DNER: variants seen among roughly 807,000 people sequenced by gnomAD.
DNER encodes delta and Notch-like epidermal growth factor-related receptor.
Under a neutral mutation model 78.2 loss-of-function variants are expected in DNER, and 33 were observed. The ratio of observed to expected loss-of-function variants is 0.42; its 90% confidence interval spans 0.32 to 0.56. The LOEUF is 0.56. Ranked by LOEUF, DNER falls within the 20% of genes least tolerant of loss-of-function variation. The pLI is 0.11. For synonymous variants in DNER, 417 were observed against 384.8 expected (o/e 1.08, Z -0.98); for missense variants, 918 against 975.3 (o/e 0.94, Z 0.78).
intron 8 of DNER, among the ~76,000 whole-genome samples, chr2:229,433,845 C>A (rs1559350632): frequency 6.6e-6 from 1 of 152,064 alleles, no homozygotes; most frequent in African/African-American, 2.4e-5. Flanking sequence ...TGTGAATTAG[C>A]TTTTTGCATT....
At chr2:229,622,638 T>G (rs1391758138) in intron 1 of DNER, among the ~76,000 whole-genome samples, 1 of 152,190 alleles carries the variant, frequency 6.6e-6, no homozygotes, top group Non-Finnish European at 1.5e-5. Context: ...TGGATTTTTT[T>G]GGAAACAGGG....
chr2:229,387,517 A>G (rs867124172), intron 11 of DNER, among the ~76,000 whole-genome samples: 4,848 of 83,352 alleles, frequency 0.058, 79 homozygotes, highest in Middle Eastern at 0.085. Flanking sequence ...GAGAGAAAGA[A>G]AGAAAGAAAG....
chr2:229,613,057 G>T (rs1698079653), intron 1 of DNER, among the ~76,000 whole-genome samples: 1 of 152,132 alleles, frequency 6.6e-6, no homozygotes, highest in Admixed American at 6.5e-5. Flanking sequence ...ATTGTAAAAT[G>T]TCCAACATGA....
At chr2:229,371,288 G>A (rs1692476233) in intron 11 of DNER, among the ~76,000 whole-genome samples, 1 of 152,216 alleles carries the variant, frequency 6.6e-6, no homozygotes, top group Non-Finnish European at 1.5e-5. Context: ...CAGTCCAGAT[G>A]CTATCCTCAT....
intron 1 of DNER, among the ~76,000 whole-genome samples, chr2:229,656,537 C>T (rs10197480): frequency 0.53 from 80,413 of 151,840 alleles, 21,488 homozygotes; most frequent in Non-Finnish European, 0.55. Context: ...GATTGGAGGA[C>T]GAGGAAGGGA....
intron 11 of DNER, among the ~76,000 whole-genome samples, chr2:229,367,836 C>G (rs200800881): frequency 6.6e-6 from 1 of 152,136 alleles, no homozygotes; most frequent in African/African-American, 2.4e-5. Context: ...ATGCTCTGAC[C>G]CAGATATTCC....
chr2:229,452,505 G>C (rs527846805), intron 7 of DNER, among the ~76,000 whole-genome samples: 4 of 152,090 alleles, frequency 2.6e-5, no homozygotes, highest in African/African-American at 7.2e-5. Flanking sequence ...CAAAAAAGAC[G>C]GCCGCCATAA....
intron 5 of DNER, among the ~76,000 whole-genome samples, chr2:229,522,107 T>A (rs757927735): frequency 6.6e-6 from 1 of 152,020 alleles, no homozygotes; most frequent in Non-Finnish European, 1.5e-5. Flanking sequence ...ATGGAATTCA[T>A]TCCTTCAGCT....
intron 8 of DNER, 105 bp from the exon 9 acceptor site, chr2:229,418,335 G>T (rs1693693409): frequency 6.8e-7 from 1 of 1,466,000 alleles, no homozygotes; most frequent in African/African-American, 1.4e-5. Flanking sequence ...AGAAAGTATG[G>T]TATAAACAGA....
intron 4 of DNER, among the ~76,000 whole-genome samples, chr2:229,584,803 A>T (rs1413106343): frequency 6.6e-6 from 1 of 151,740 alleles, no homozygotes; most frequent in Non-Finnish European, 1.5e-5. Flanking sequence ...GCGTGATGGC[A>T]CATGCCTGTA....
intron 1 of DNER, among the ~76,000 whole-genome samples, chr2:229,599,861 A>T (rs1697794289): frequency 6.6e-6 from 1 of 152,204 alleles, no homozygotes; most frequent in Non-Finnish European, 1.5e-5. Flanking sequence ...AACACAAATA[A>T]AATGTTATGT....
chr2:229,577,112 A>G (rs1461721226), intron 4 of DNER, among the ~76,000 whole-genome samples: 1 of 152,226 alleles, frequency 6.6e-6, no homozygotes, highest in Non-Finnish European at 1.5e-5. Context: ...AGGAAGCTGG[A>G]GGAAGCTTAG....
intron 1 of DNER, among the ~76,000 whole-genome samples, chr2:229,596,399 G>A (rs534748835): frequency 2.0e-5 from 3 of 152,210 alleles, no homozygotes; most frequent in African/African-American, 4.8e-5. Context: ...AAGCTCTGTC[G>A]ACCTGAGAGG....
At chr2:229,541,928 T>C (rs1696523163) in intron 5 of DNER, among the ~76,000 whole-genome samples, 1 of 147,156 alleles carries the variant, frequency 6.8e-6, no homozygotes, top group Non-Finnish European at 1.5e-5. Flanking sequence ...TTATAAATTA[T>C]ATTTATATTT....
At chr2:229,457,999 G>C (rs1035644069) in intron 7 of DNER, among the ~76,000 whole-genome samples, 1 of 151,348 alleles carries the variant, frequency 6.6e-6, no homozygotes, top group South Asian at 2.1e-4. Flanking sequence ...AGTCAGGTGT[G>C]GTGGTGTGCA....
chr2:229,585,579 G>C (rs547892365), intron 4 of DNER, among the ~76,000 whole-genome samples: 1 of 151,738 alleles, frequency 6.6e-6, no homozygotes, highest in African/African-American at 2.4e-5. Context: ...AGAATCGCTT[G>C]AACTCAGGAG....
At chr2:229,615,502 G>A (rs1014331183) in intron 1 of DNER, among the ~76,000 whole-genome samples, 2 of 151,754 alleles carry the variant, frequency 1.3e-5, no homozygotes, top group African/African-American at 4.8e-5. Context: ...GAGGTCAGGA[G>A]ATCGAGACCA....
At chr2:229,390,326 T>A (rs1396246109) in intron 10 of DNER, among the ~76,000 whole-genome samples, 1 of 152,242 alleles carries the variant, frequency 6.6e-6, no homozygotes, top group Admixed American at 6.5e-5. Context: ...AAGTCCAATG[T>A]CAATGACATA....
chr2:229,428,452 T>C (rs1413437653), intron 8 of DNER, among the ~76,000 whole-genome samples: 1 of 152,146 alleles, frequency 6.6e-6, no homozygotes, highest in Non-Finnish European at 1.5e-5. Context: ...TGTCCAGAGA[T>C]ACTGCAATTT....
Sources: allele counts gnomAD v4.1 joint callset (sites outside exome capture counted in the v4.1 genomes callset), GRCh38; gene constraint gnomAD v4.1.1; transcripts MANE v1.5; gene names NCBI Gene and HGNC (gene_info 2026-07-23, HGNC 2026-07-21).